NAALADL2: variants seen among roughly 807,000 people sequenced by gnomAD.
NAALADL2 encodes the protein N-acetylated alpha-linked acidic dipeptidase like 2.
In NAALADL2, 76 loss-of-function variants were observed where a neutral mutation model predicts 87.2. The observed-to-expected ratio is 0.87, with a 90% confidence interval of 0.72 to 1.05. The LOEUF is 1.05. Among genes scored for constraint, NAALADL2 ranks in the 50% least tolerant of loss-of-function variants. The probability of loss-of-function intolerance (pLI) is 0.00; values close to 1 mark genes in which losing one functional copy is unlikely to be tolerated. For missense variants in NAALADL2, 1,089 were observed against 945.8 expected (o/e 1.15, Z -1.99); for synonymous variants, 354 against 331.0 (o/e 1.07, Z -0.75).
At chr3:175,690,409 CAT>C (rs1428010504) in intron 11 of NAALADL2, among the ~76,000 whole-genome samples, 1 of 152,024 alleles carries the variant, frequency 6.6e-6, no homozygotes, top group African/African-American at 2.4e-5. Flanking sequence ...ATAAGGCAAA[CAT>C]GAGAAAAATC....
At chr3:175,032,878 T>C (rs1752960024) in intron 1 of NAALADL2, among the ~76,000 whole-genome samples, 1 of 151,998 alleles carries the variant, frequency 6.6e-6, no homozygotes, top group African/African-American at 2.4e-5. Flanking sequence ...TTCCAATCAC[T>C]GCTTTCAACT....
chr3:174,748,956 G>A lies in NAALADL2; in HGVS notation c.-9+11210G>A, dbSNP rs78268639. Reference sequence around the variant, plus strand: ...TGTAGCATGCATATTTGTTCTTAAGGTATACCCATAAACTACTTCATTGGC... The same window carrying A: ...TGTAGCATGCATATTTGTTCTTAAGATATACCCATAAACTACTTCATTGGC... On this transcript the variant is annotated intron_variant, in intron 3 of 3. Coordinates refer to the NAALADL2 transcript ENST00000434257. Among the ~76,000 whole-genome samples the A allele has an allele frequency of 3.9e-5, 6 of 152,158 alleles. No individual in the cohort carries two copies. In the East Asian group the frequency reaches 1.2e-3, roughly 29 times the overall value.
chr3:175,008,721 C>CGTTACAGGGTAAGGCAG (rs138416001), intron 1 of NAALADL2, among the ~76,000 whole-genome samples: 26,714 of 151,678 alleles, frequency 0.18, 3,096 homozygotes, highest in African/African-American at 0.33. Flanking sequence ...TACCCTACAA[C>CGTTACAGGGTAAGGCAG]GTTATAGGGT....
Position 175,808,707 on chromosome 3 carries a change from G to A in NAALADL2, c.*5504G>A, listed in dbSNP as rs947202097. The stretch of plus-strand genomic sequence containing the variant: ...GTGCCTGTATCATGCCATATGTCAT[G>A]TGCTATATTCCTGCAAGCTCAAGAG... On this transcript the variant is annotated 3_prime_UTR_variant, in exon 14 of 14. Transcript: ENST00000454872. 8.6e-5 allele frequency: 13 copies of A among 151,950 alleles called. No homozygotes were observed. The highest frequency in any genetic ancestry group is 8.3e-4 in the South Asian group (4 of 4,832). The allele number at this position is 151,950 out of a possible 1,614,324, so 9.4% of individuals were successfully genotyped here.
intron 1 of NAALADL2, among the ~76,000 whole-genome samples, chr3:174,498,165 T>C (rs1299763119): frequency 1.3e-5 from 2 of 152,010 alleles, no homozygotes; most frequent in South Asian, 4.1e-4. Flanking sequence ...TCCCCAAGAG[T>C]TTCCTGATGC....
chr3:174,835,121 C>T (rs112089395), intron 3 of NAALADL2, among the ~76,000 whole-genome samples: 2,994 of 151,786 alleles, frequency 0.02, 104 homozygotes, highest in African/African-American at 0.069. Flanking sequence ...AATTAGAAAG[C>T]GCAGAAATAA....
intron 1 of NAALADL2, among the ~76,000 whole-genome samples, chr3:174,878,629 T>A (rs548001053): frequency 2.6e-5 from 4 of 152,038 alleles, no homozygotes; most frequent in Non-Finnish European, 5.9e-5. Flanking sequence ...CCTCTTGAAT[T>A]TTTTTCTTGT....
chr3:175,793,316 T>A (rs946625249), intron 13 of NAALADL2, among the ~76,000 whole-genome samples: 1 of 150,348 alleles, frequency 6.7e-6, no homozygotes. Context: ...TCTTTTTTTT[T>A]TTTTTTTTTC....
intron 3 of NAALADL2, among the ~76,000 whole-genome samples, chr3:174,809,025 A>C (rs186528002): frequency 7.5e-4 from 114 of 152,324 alleles, no homozygotes; most frequent in Non-Finnish European, 1.2e-3. Flanking sequence ...TATATGTTCA[A>C]TTATGGAACC....
chr3:175,163,215 A>C (rs2108856269), intron 2 of NAALADL2, among the ~76,000 whole-genome samples: 1 of 152,198 alleles, frequency 6.6e-6, no homozygotes, highest in South Asian at 2.1e-4. Flanking sequence ...TGGCTGAAAA[A>C]AATTGACCAG....
At chr3:175,535,528 A>C (rs1734699905) in intron 9 of NAALADL2, among the ~76,000 whole-genome samples, 1 of 152,174 alleles carries the variant, frequency 6.6e-6, no homozygotes, top group African/African-American at 2.4e-5. Context: ...TACCCACAGC[A>C]ATGCTTAGTC....
chr3:175,447,435 A>G (rs1417297134), intron 6 of NAALADL2, 63 bp downstream of exon 6: 3 of 1,138,768 alleles, frequency 2.6e-6, no homozygotes, highest in Admixed American at 3.1e-5. Flanking sequence ...ATCATTTTTA[A>G]TCTCCTAAAT....
intron 11 of NAALADL2, among the ~76,000 whole-genome samples, chr3:175,653,830 G>C (rs1420183009): frequency 6.6e-6 from 1 of 152,114 alleles, no homozygotes; most frequent in Non-Finnish European, 1.5e-5. Context: ...AATTTTGTAA[G>C]ACTCCCTGAT....
At chr3:175,343,018 T>C (rs1242696300) in intron 5 of NAALADL2, among the ~76,000 whole-genome samples, 1 of 152,122 alleles carries the variant, frequency 6.6e-6, no homozygotes, top group Non-Finnish European at 1.5e-5. Flanking sequence ...ACATTTTCTG[T>C]AGTATGCATA....
rs1277376550 is a variant in NAALADL2 at position 175,128,405 on chromosome 3, G to A, written c.545+31114G>A. 2.0e-5 allele frequency among the ~76,000 whole-genome samples: 3 copies of A among 152,102 alleles called. No homozygotes were observed. The East Asian group carries it at 5.8e-4, about 29-fold the overall frequency. ...TTTAATTTTCAATAATTAAGGATTA[G>A]CTACTTCAAAGAACAAAGGACCATT... On this transcript the variant is annotated intron_variant, in intron 2 of 13. Transcript: ENST00000454872.
At chr3:174,645,457 T>C (rs925310095) in intron 2 of NAALADL2, among the ~76,000 whole-genome samples, 3 of 152,196 alleles carry the variant, frequency 2.0e-5, no homozygotes, top group Non-Finnish European at 4.4e-5. Context: ...CAGAGTTGTA[T>C]ATTAAAGTGT....
In NAALADL2 at chr3:175,627,324, A is replaced by G. The variant is rs778456327; in HGVS notation, c.1834A>G (p.Thr612Ala). ...PSFLSEARFS[T>A]RATKIEEMDP... Reference sequence around the variant, plus strand: ...TTTTCTCTCCGAGGCCCGTTTTTCTACACGAGCAACAAAAATTGAAGAAAT... The same window carrying G: ...TTTTCTCTCCGAGGCCCGTTTTTCTGCACGAGCAACAAAAATTGAAGAAAT... Residue 612 changes from threonine (T) to alanine (A), a missense_variant, in exon 11 of 14, where the codon ACA becomes GCA. Thr to Ala is a moderately conservative substitution (Grantham distance 58). Transcript: ENST00000454872. 35 of 1,571,728 alleles carry G rather than the reference A, an allele frequency of 2.2e-5. No homozygotes were observed. Among genetic ancestry groups the G allele is most frequent in the Non-Finnish European group, 2.8e-5 (32 of 1,156,018 alleles).
At chr3:174,844,844 T>TG (rs1318196534) in intron 3 of NAALADL2, among the ~76,000 whole-genome samples, 3 of 132,052 alleles carry the variant, frequency 2.3e-5, no homozygotes, top group Non-Finnish European at 4.7e-5. Context: ...GGTTTTTTTT[T>TG]TTTTTTTTTT....
At chr3:175,573,667 A>G (rs894373586) in intron 9 of NAALADL2, among the ~76,000 whole-genome samples, 1 of 152,220 alleles carries the variant, frequency 6.6e-6, no homozygotes, top group African/African-American at 2.4e-5. Context: ...GCTTAAGACT[A>G]GCTCTTCTTT....
Sources: gnomAD v4.1 joint callset for allele counts (sites outside exome capture counted in the v4.1 genomes callset) on GRCh38, gnomAD v4.1.1 for gene constraint, MANE v1.5 for transcripts, NCBI Gene and HGNC (gene_info 2026-07-23, HGNC 2026-07-21) for gene names.